KRT36: variants seen among roughly 807,000 people sequenced by gnomAD.
The protein encoded by KRT36 is keratin, type I cuticular Ha6.
In KRT36, 41 loss-of-function variants were observed where a neutral mutation model predicts 43.0. The observed-to-expected ratio is 0.95, with a 90% CI of 0.74 to 1.24. The LOEUF is 1.24. KRT36 is among the 50% of genes most tolerant of loss of function. KRT36 has a pLI of 0.00. For missense variants in KRT36, 627 were observed against 595.3 expected (o/e 1.05, Z -0.55); for synonymous variants, 277 against 252.9 (o/e 1.10, Z -0.90).
In KRT36 at chr17:41,489,570, A is replaced by G; in HGVS notation, c.295T>C (p.Phe99Leu). ...TAGTTGGCCAGGCGGTCGTTCAGGA[A>G]CTGCATAGTCTCCTTCTCGCTGCCG... ...FNGSEKETMQ[F>L]LNDRLANYLE... The change falls in exon 1 of 7, where the codon TTC (phenylalanine) becomes CTC (leucine). Residue 99 changes from phenylalanine to leucine, a missense_variant. Transcript: ENST00000328119. 6.2e-7 allele frequency: 1 copy of G among 1,614,126 alleles called. No homozygotes were observed. Among genetic ancestry groups the G allele is most frequent in the Non-Finnish European group, 8.5e-7 (1 of 1,180,028 alleles).
At chr17:41,488,106 TA>T (rs1179207892) in intron 3 of KRT36, 136 bp downstream of exon 3, 1 of 891,294 alleles carries the variant, frequency 1.1e-6, no homozygotes, top group African/African-American at 1.7e-5. Context: ...TTCTTGGGAT[TA>T]TTGTAAGGAT....
chr17:41,486,512 G>C lies in KRT36; in HGVS notation c.1268C>G (p.Pro423Arg). The C allele has an allele frequency of 6.2e-7, 1 of 1,609,186 alleles. No individual in the cohort carries two copies. Among genetic ancestry groups the C allele is most frequent in the Middle Eastern group, 1.7e-4 (1 of 6,024 alleles). The change falls in exon 7 of 7, where the codon CCC (proline) becomes CGC (arginine). Residue 423 changes from proline to arginine, a missense_variant. Coordinates refer to ENST00000328119, the MANE Select transcript of KRT36 (RefSeq NM_003771.5). ...CACAGAGGGGACACAGGGCACCGGG[G>C]GGACAGAAGGAACTCTAATAACAGG... ...CKPVIRVPSV[P>R]PVPCVPSVPC... is the part of the protein sequence containing the mutation.
chr17:41,487,971 G>C (rs1472527419), intron 3 of KRT36, among the ~76,000 whole-genome samples: 2 of 152,164 alleles, frequency 1.3e-5, no homozygotes, highest in Non-Finnish European at 2.9e-5. Context: ...TCAGGCACTA[G>C]AGCCCAAATA....
chr17:41,488,698 G>T lies in KRT36; in HGVS notation c.486C>A (p.Ala162=), dbSNP rs138949004. Residue 162 remains alanine (A), a synonymous_variant, in exon 2 of 7, where the codon GCC becomes GCA. Transcript: ENST00000328119. ...QKILLTKSEN[A]RLVLQIDNAK... ...CATTATCAATCTGCAGGACCAGCCT[G>T]GCATTCTCAGACTTAGTCAGCAGGA... 1.3e-4 allele frequency: 213 copies of T among 1,614,156 alleles called. 2 individuals carry two copies. In the African/African-American group the frequency reaches 2.7e-3, roughly 20 times the overall value.
chr17:41,486,803 A>T (rs554396972), intron 6 of KRT36, 147 bp downstream of exon 6: 2 of 785,260 alleles, frequency 2.5e-6, no homozygotes, highest in South Asian at 3.6e-5. Flanking sequence ...CCCGCTGTGC[A>T]TTACCAAAGC....
chr17:41,486,363 A>G lies in KRT36; in HGVS notation c.*13T>C. On this transcript the variant is annotated 3_prime_UTR_variant, in exon 7 of 7. Coordinates refer to ENST00000328119, the MANE Select transcript of KRT36 (RefSeq NM_003771.5). ...TGTGGTCAGGGCCCTGCCCTGGTGGACCAAGTGGGCTGTCACAGCGGGCGG... is the reference window on the plus strand; with the variant it reads ...TGTGGTCAGGGCCCTGCCCTGGTGGGCCAAGTGGGCTGTCACAGCGGGCGG... 1.2e-6 allele frequency: 2 copies of G among 1,612,330 alleles called. No homozygotes were observed. The highest frequency in any genetic ancestry group is 1.7e-6 in the Non-Finnish European group (2 of 1,179,264).
intron 6 of KRT36, 129 bp from the exon 7 acceptor site, chr17:41,486,700 A>G: frequency 1.3e-6 from 1 of 780,114 alleles, no homozygotes; most frequent in Non-Finnish European, 2.0e-6. Context: ...GAATTCCCCA[A>G]GGGTGAGAGG....
Position 41,486,574 on chromosome 17 carries a change from G to A in KRT36, c.1209-3C>T. 6.4e-7 allele frequency: 1 copy of A among 1,553,774 alleles called. No individual in the cohort carries two copies. The highest frequency in any genetic ancestry group is 8.7e-7 in the Non-Finnish European group (1 of 1,151,270). On this transcript the variant is annotated splice_region_variant and splice_polypyrimidine_tract_variant and intron_variant, in intron 6 of 6. Coordinates refer to ENST00000328119, the MANE Select transcript of KRT36 (RefSeq NM_003771.5). Reference sequence around the variant, plus strand: ...TGGCACAAGGTTGGGGAGGAAGCCTGAGGAAACAAAATCATGCAGGGTGCA... The same window carrying A: ...TGGCACAAGGTTGGGGAGGAAGCCTAAGGAAACAAAATCATGCAGGGTGCA...
At chr17:41,489,204 G>A (rs760867918) in intron 1 of KRT36, among the ~76,000 whole-genome samples, 23 of 152,166 alleles carry the variant, frequency 1.5e-4, no homozygotes, top group Non-Finnish European at 2.9e-4. Flanking sequence ...AGGGGGGTGA[G>A]GAACGGCTGG....
At position 41,488,351 on chromosome 17, in the gene KRT36, G is replaced by A. The variant is rs148853307; in HGVS notation, c.591C>T (p.Asn197=). The change falls in exon 3 of 7, where the codon AAC becomes AAT. Residue 197 remains asparagine (N), a synonymous_variant. Transcript: ENST00000328119. ...GCTCATCCAGGATCCTACGCAGGCC[G>A]TTGATGTCGGCCTCCACTAGCTGCC... The part of the protein sequence containing the change: ...SLRQLVEADI[N]GLRRILDELT... 2,449 of 1,614,170 alleles carry A rather than the reference G, an allele frequency of 1.5e-3. 53 individuals are homozygous for A. In the Admixed American group the frequency reaches 0.035, roughly 23 times the overall value.
At chr17:41,488,114 G>T in intron 3 of KRT36, 129 bp downstream of exon 3, 1 of 918,654 alleles carries the variant, frequency 1.1e-6, no homozygotes, top group Non-Finnish European at 1.7e-6. Context: ...ATTATTGTAA[G>T]GATGAAATGA....
At position 41,489,703 on chromosome 17, in the gene KRT36, C is replaced by G; in HGVS notation, c.162G>C (p.Ser54=). The change falls in exon 1 of 7, where the codon TCG becomes TCC. Residue 54 remains serine, a synonymous_variant. Transcript: ENST00000328119. ...GAAGYISSAR[S]GLSGLGSCLP... ...AGCAGCTCCCAAGGCCAGAGAGGCC[C>G]GACCTAGCAGAAGAGATGTACCCTG... 6.2e-7 allele frequency: 1 copy of G among 1,614,118 alleles called. No individual in the cohort carries two copies. Among genetic ancestry groups the G allele is most frequent in the Non-Finnish European group, 8.5e-7 (1 of 1,180,036 alleles).
chr17:41,488,786 G>T (rs1296533068), intron 1 of KRT36, 62 bp from the exon 2 acceptor site: 67 of 1,367,914 alleles, frequency 4.9e-5, no homozygotes, highest in Non-Finnish European at 6.9e-5. Context: ...GCAGGTAGGG[G>T]GATAGCTCAG....
Position 41,488,744 on chromosome 17 carries a change from C to T in KRT36, c.460-20G>A. The T allele has an allele frequency of 1.9e-6, 3 of 1,609,966 alleles. No individual in the cohort carries two copies. Among genetic ancestry groups the T allele is most frequent in the Non-Finnish European group, 2.6e-6 (3 of 1,176,456 alleles). ...CAGGATCTGGGGAACAAGAGGCTTC[C>T]CATAAGCTACAGGAGGCCCAGCAGT... On this transcript the variant is annotated intron_variant, in intron 1 of 6. Transcript: ENST00000328119.
In KRT36 at chr17:41,487,415, T is replaced by C; in HGVS notation, c.923A>G (p.Glu308Gly). 6.2e-7 allele frequency: 1 copy of C among 1,613,984 alleles called. No individual in the cohort carries two copies. Among genetic ancestry groups the C allele is most frequent in the South Asian group, 1.1e-5 (1 of 91,070 alleles). Reference sequence around the variant, plus strand: ...GACCGTACGTCTCAGCTCGATGATCTCCGTCTGGCAGCACTGCAGCTGCTC... The same window carrying C: ...GACCGTACGTCTCAGCTCGATGATCCCCGTCTGGCAGCACTGCAGCTGCTC... Reference protein sequence around the residue: ...SSEQLQCCQTEIIELRRTVNA... With the variant: ...SSEQLQCCQTGIIELRRTVNA... Residue 308 changes from glutamate (E) to glycine (G), a missense_variant, in exon 5 of 7, where the codon GAG becomes GGG. Coordinates refer to ENST00000328119, the MANE Select transcript of KRT36 (RefSeq NM_003771.5).
intron 6 of KRT36, 49 bp downstream of exon 6, chr17:41,486,901 T>C (rs1904397549): frequency 1.3e-6 from 2 of 1,536,060 alleles, no homozygotes; most frequent in Non-Finnish European, 1.8e-6. Flanking sequence ...GCCCTCCACA[T>C]GGCACTGAGG....
Position 41,487,486 on chromosome 17 carries a change from A to C in KRT36, c.862-10T>G. The C allele has an allele frequency of 6.2e-7, 1 of 1,614,050 alleles. No homozygotes were observed. The highest frequency in any genetic ancestry group is 8.5e-7 in the Non-Finnish European group (1 of 1,179,932). ...GGTTCAGCTCCTCAGTCTGAAACACATGCCAGGGCCCAGAGCATGGTCAAA... is the reference window on the plus strand; with the variant it reads ...GGTTCAGCTCCTCAGTCTGAAACACCTGCCAGGGCCCAGAGCATGGTCAAA... On this transcript the variant is annotated splice_polypyrimidine_tract_variant and intron_variant, in intron 4 of 6. Transcript: ENST00000328119.
chr17:41,489,337 C>T (rs779375644), intron 1 of KRT36, 69 bp downstream of exon 1: 4 of 1,504,984 alleles, frequency 2.7e-6, no homozygotes, highest in Non-Finnish European at 3.6e-6. Flanking sequence ...TCTGGAAAGG[C>T]CCTGGAATGA....
chr17:41,489,582 CCTT>C lies in KRT36; in HGVS notation c.280_282del (p.Lys94del). 4 of 1,614,210 alleles carry C rather than the reference CCTT, an allele frequency of 2.5e-6. No homozygotes were observed. The highest frequency in any genetic ancestry group is 3.4e-6 in the Non-Finnish European group (4 of 1,180,046). On this transcript the variant is annotated inframe_deletion, in exon 1 of 7. Coordinates refer to ENST00000328119, the MANE Select transcript of KRT36 (RefSeq NM_003771.5). ...CGGTCGTTCAGGAACTGCATAGTCT[CCTT>C]CTCGCTGCCGTTGAAGGAGCCCTCG...
Sources: allele counts gnomAD v4.1 joint callset (sites outside exome capture counted in the v4.1 genomes callset), GRCh38; gene constraint gnomAD v4.1.1; transcripts MANE v1.5; gene names NCBI Gene and HGNC (gene_info 2026-07-23, HGNC 2026-07-21).